LARGE1: variants seen among roughly 807,000 people sequenced by gnomAD.
The protein encoded by LARGE1 is xylosyl- and glucuronyltransferase LARGE1.
Under a neutral mutation model 87.6 loss-of-function variants are expected in LARGE1, and 43 were observed. That is an observed-to-expected ratio of 0.49 (90% CI 0.38 to 0.63). The LOEUF (loss-of-function observed/expected upper bound fraction) is 0.63, where lower values mean the gene tolerates loss of function less well. LARGE1 is among the 30% of genes least tolerant of loss of function. The probability of loss-of-function intolerance (pLI) is 0.00; values close to 1 mark genes in which losing one functional copy is unlikely to be tolerated. For synonymous variants in LARGE1, 434 were observed against 394.6 expected (o/e 1.10, Z -1.18); for missense variants, 802 against 1,000.2 (o/e 0.80, Z 2.67).
At chr22:33,228,055 T>C (rs1205591634) in intron 11 of LARGE1, among the ~76,000 whole-genome samples, 3 of 152,260 alleles carry the variant, frequency 2.0e-5, no homozygotes, top group Non-Finnish European at 4.4e-5. Context: ...TAAATAAGCA[T>C]GAGGCTGTAG....
chr22:33,193,881 GT>G (rs1004288338), intron 11 of LARGE1, among the ~76,000 whole-genome samples: 157 of 141,718 alleles, frequency 1.1e-3, no homozygotes, highest in African/African-American at 3.8e-3. Context: ...TATATATAAT[GT>G]TTTATATATT....
chr22:33,642,926 T>A (rs1011843424), intron 3 of LARGE1, among the ~76,000 whole-genome samples: 1 of 152,100 alleles, frequency 6.6e-6, no homozygotes, highest in Non-Finnish European at 1.5e-5. Context: ...CAAAGAGACT[T>A]AGACTCCCAC....
chr22:33,432,461 AT>A (rs2067111823), intron 6 of LARGE1, among the ~76,000 whole-genome samples, 196 bp from the exon 7 acceptor site: 1 of 152,204 alleles, frequency 6.6e-6, no homozygotes, highest in South Asian at 2.1e-4. Flanking sequence ...TTAGGCAGTC[AT>A]TTTTATTATT....
chr22:33,686,089 C>T (rs2081934877), intron 2 of LARGE1, among the ~76,000 whole-genome samples: 1 of 152,130 alleles, frequency 6.6e-6, no homozygotes, highest in Admixed American at 6.6e-5. Flanking sequence ...ATGCAGCAAG[C>T]CATGGCAAAT....
chr22:33,584,684 A>C (rs1441258759), intron 5 of LARGE1, among the ~76,000 whole-genome samples: 1 of 152,050 alleles, frequency 6.6e-6, no homozygotes, highest in African/African-American at 2.4e-5. Flanking sequence ...TGAAAAAAAA[A>C]AAATGAAAAC....
rs1443538111 is a variant in LARGE1, at chr22:33,432,231, A to G, written c.822T>C (p.Ser274=). The G allele has an allele frequency of 3.1e-6, 5 of 1,613,890 alleles. No homozygotes were observed. The highest frequency in any genetic ancestry group is 1.7e-5 in the Admixed American group (1 of 59,986). ...TCCACAGGTTTCCAAGGTACCAGTC[A>G]CTCTGGTTCTCCACCAAGCCCAGGA... ...QQVLGLVENQ[S]DWYLGNLWKN... The change falls in exon 7 of 15, where the codon AGT becomes AGC. Residue 274 remains serine (S), a synonymous_variant. Coordinates refer to ENST00000397394, the MANE Select transcript of LARGE1 (RefSeq NM_133642.5).
intron 4 of LARGE1, 84 bp from the exon 5 acceptor site, chr22:33,604,642 C>G (rs759369874): frequency 6.5e-7 from 1 of 1,548,650 alleles, no homozygotes; most frequent in South Asian, 1.1e-5. Context: ...CTTCACAGTT[C>G]CTACGGTGGG....
intron 10 of LARGE1, among the ~76,000 whole-genome samples, chr22:33,322,104 C>T (rs1936782066): frequency 6.6e-6 from 1 of 152,190 alleles, no homozygotes; most frequent in Admixed American, 6.5e-5. Flanking sequence ...CGGGCATGAG[C>T]TACTGCGTCT....
At chr22:33,300,878 A>G (rs1282714772) in intron 12 of LARGE1, among the ~76,000 whole-genome samples, 1 of 151,956 alleles carries the variant, frequency 6.6e-6, no homozygotes, top group Non-Finnish European at 1.5e-5. Flanking sequence ...GTCTCACTAT[A>G]TTGCTCAGGC....
chr22:33,590,932 G>C (rs2078818790), intron 5 of LARGE1, among the ~76,000 whole-genome samples: 1 of 152,206 alleles, frequency 6.6e-6, no homozygotes, highest in Non-Finnish European at 1.5e-5. Flanking sequence ...GCCGGGCGTG[G>C]TGGCTCACAC....
At position 33,277,512 on chromosome 22, in the gene LARGE1, T is replaced by C. The variant is rs1242457699; in HGVS notation, c.1878-257A>G. Among the ~76,000 whole-genome samples, 5 of 152,202 alleles carry C rather than the reference T, an allele frequency of 3.3e-5. No homozygotes were observed. The East Asian group carries it at 9.6e-4, about 29-fold the overall frequency. On this transcript the variant is annotated intron_variant, in intron 13 of 14. Transcript: ENST00000397394. ...GGGGTGGCACTAATCCAATATTTGT[T>C]GTCCTTATAAGAAGGGGAAAATTTA...
intron 6 of LARGE1, among the ~76,000 whole-genome samples, chr22:33,469,790 T>C (rs1339964772): frequency 6.8e-6 from 1 of 146,426 alleles, no homozygotes; most frequent in Non-Finnish European, 1.5e-5. Flanking sequence ...ATCGCACCAC[T>C]GCACTCCAGC....
intron 1 of LARGE1, among the ~76,000 whole-genome samples, chr22:33,797,107 A>G (rs1210378745): frequency 6.6e-6 from 1 of 152,108 alleles, no homozygotes; most frequent in African/African-American, 2.4e-5. Flanking sequence ...TGTTAATTAA[A>G]GAGAGTGGGA....
At chr22:33,490,120 G>A (rs1331990902) in intron 6 of LARGE1, among the ~76,000 whole-genome samples, 3 of 151,952 alleles carry the variant, frequency 2.0e-5, no homozygotes, top group African/African-American at 7.2e-5. Flanking sequence ...TCCCTCAACT[G>A]GATCATTGTA....
chr22:33,364,090 T>G (rs2064489616), intron 9 of LARGE1, among the ~76,000 whole-genome samples: 1 of 150,636 alleles, frequency 6.6e-6, no homozygotes. Flanking sequence ...AGTCTCGCTC[T>G]GTCGCCCAGG....
the LARGE1 span, among the ~76,000 whole-genome samples, chr22:33,156,875 T>C: frequency 3.3e-5 from 5 of 152,140 alleles, no homozygotes; most frequent in Non-Finnish European, 5.9e-5. Context: ...TGAATCATGG[T>C]GGCAGGTCTT....
chr22:33,740,163 T>C (rs1388271245), intron 2 of LARGE1, among the ~76,000 whole-genome samples: 3 of 152,310 alleles, frequency 2.0e-5, no homozygotes. Flanking sequence ...AAGCGTGGTC[T>C]TCTGACTCCT....
At chr22:33,558,622 A>C (rs2077764890) in intron 6 of LARGE1, among the ~76,000 whole-genome samples, 1 of 152,174 alleles carries the variant, frequency 6.6e-6, no homozygotes, top group Non-Finnish European at 1.5e-5. Context: ...CTTTTTTGCT[A>C]AGCTCTTCTG....
chr22:33,106,906 G>C, the LARGE1 span, among the ~76,000 whole-genome samples: 1 of 152,182 alleles, frequency 6.6e-6, no homozygotes, highest in African/African-American at 2.4e-5. Flanking sequence ...GAAATGATTA[G>C]AGAGGTCAAA....
Sources: allele counts gnomAD v4.1 joint callset (sites outside exome capture counted in the v4.1 genomes callset), GRCh38; gene constraint gnomAD v4.1.1; transcripts MANE v1.5; gene names NCBI Gene and HGNC (gene_info 2026-07-23, HGNC 2026-07-21).